Variants in GABRG2 observed in about 807,000 individuals in gnomAD.
GABRG2 encodes the protein gamma-aminobutyric acid receptor subunit gamma-2.
A neutral mutation model predicts 56.4 loss-of-function variants in GABRG2; 16 were observed. The ratio of observed to expected loss-of-function variants is 0.28; its 90% CI spans 0.19 to 0.43. The LOEUF is 0.43. Among genes scored for constraint, GABRG2 ranks in the 20% least tolerant of loss-of-function variants. The pLI is 1.00. For missense variants in GABRG2, 327 were observed against 582.7 expected, an observed-to-expected ratio of 0.56 and a Z score of 4.52; for synonymous variants, 208 against 205.5, an observed-to-expected ratio of 1.01 and a Z score of -0.10.
At chr5:162,142,371 A>C in intron 7 of GABRG2, 55 bp downstream of exon 7, 1 of 1,547,096 alleles carries the variant, frequency 6.5e-7, no homozygotes. Context: ...AAATACAAGT[A>C]ATTTTTATGT....
chr5:162,074,954 C>A (rs954842914), intron 1 of GABRG2, among the ~76,000 whole-genome samples: 9 of 151,954 alleles, frequency 5.9e-5, no homozygotes, highest in Admixed American at 5.9e-4. Context: ...ACCTGATTTC[C>A]GTAGGCAGAA....
intron 1 of GABRG2, among the ~76,000 whole-genome samples, chr5:162,089,484 T>C (rs1259887099): frequency 6.6e-6 from 1 of 152,132 alleles, no homozygotes; most frequent in Non-Finnish European, 1.5e-5. Flanking sequence ...GTCAAAGATA[T>C]CATTTTCCCG....
At chr5:162,128,405 GCATCCCTT>G (rs1398693873) in intron 6 of GABRG2, 1 of 151,956 alleles carries the variant, frequency 6.6e-6, no homozygotes, top group Non-Finnish European at 1.5e-5. Flanking sequence ...CTGTTTGCTG[GCATCCCTT>G]CCCTTGTCTG....
At position 162,153,211 on chromosome 5, in the gene GABRG2, GT is replaced by G. The variant is rs1285618109; in HGVS notation, c.1277del (p.Phe426SerfsTer77). On this transcript the variant is annotated frameshift_variant, in exon 10 of 10. Coordinates refer to ENST00000639213, the MANE Select transcript of GABRG2 (RefSeq NM_198904.4). LOFTEE classifies it high-confidence loss of function. ...TGTCTGGACGGCAAGGACTGTGCCA[GT>G]TTTTTCTGCTGTTTTGAAGATTGTC... ...YECLDGKDCASFFCCFEDCRT... is the reference protein window; with the variant it reads ...YECLDGKDCAXFFCCFEDCRT... 1 of 1,614,000 alleles carries G rather than the reference GT, an allele frequency of 6.2e-7. No individual in the cohort carries two copies. Among genetic ancestry groups the G allele is most frequent in the Non-Finnish European group, 8.5e-7 (1 of 1,180,004 alleles).
chr5:162,088,099 C>G (rs1045442682), intron 1 of GABRG2, among the ~76,000 whole-genome samples: 1 of 152,034 alleles, frequency 6.6e-6, no homozygotes, highest in Non-Finnish European at 1.5e-5. Context: ...TTTGCATGTC[C>G]TTACTGGGAG....
chr5:162,081,020 A>G (rs1210821456), intron 1 of GABRG2, among the ~76,000 whole-genome samples: 2 of 152,122 alleles, frequency 1.3e-5, no homozygotes, highest in Non-Finnish European at 2.9e-5. Context: ...CATTAATTGA[A>G]TGTTTAAAAT....
In GABRG2 at chr5:162,153,425, CT is replaced by C; in HGVS notation, c.*58del. On this transcript the variant is annotated 3_prime_UTR_variant, in exon 10 of 10. Transcript: ENST00000639213. ...TTCACTGAGTCTCATGGAGAGATGT[CT>C]GTTCTAAGTCCACTTAAATAATCCT... The C allele has an allele frequency of 6.4e-7, 1 of 1,570,070 alleles. No individual in the cohort carries two copies. The highest frequency in any genetic ancestry group is 8.8e-7 in the Non-Finnish European group (1 of 1,140,464).
intron 6 of GABRG2, among the ~76,000 whole-genome samples, chr5:162,132,103 G>A (rs1024109715): frequency 4.0e-5 from 6 of 151,624 alleles, no homozygotes; most frequent in African/African-American, 9.7e-5. Flanking sequence ...GGTTGCTATG[G>A]AGAATTTTGT....
At chr5:162,140,888 T>C (rs1225768995) in intron 6 of GABRG2, among the ~76,000 whole-genome samples, 1 of 152,230 alleles carries the variant, frequency 6.6e-6, no homozygotes, top group Non-Finnish European at 1.5e-5. Flanking sequence ...AAGAGCAACT[T>C]ATGCATCATG....
At chr5:162,109,774 C>T (rs537000482) in intron 6 of GABRG2, among the ~76,000 whole-genome samples, 2 of 152,098 alleles carry the variant, frequency 1.3e-5, no homozygotes, top group Non-Finnish European at 1.5e-5. Flanking sequence ...CATGTTGCCA[C>T]GGCCAGCTCA....
At position 162,154,350 on chromosome 5, in the gene GABRG2, AT is replaced by A. The variant is rs955225977; in HGVS notation, c.*985del. On this transcript the variant is annotated 3_prime_UTR_variant, in exon 10 of 10. Transcript: ENST00000639213. Reference sequence around the variant, plus strand: ...GTGCCTTGTGGGCAGAATCCTTGTCATTTCCTCTTTGGGTCTGTAGCACCTT... The same window carrying A: ...GTGCCTTGTGGGCAGAATCCTTGTCATTCCTCTTTGGGTCTGTAGCACCTT... The A allele has an allele frequency of 6.6e-6, 1 of 152,024 alleles. No homozygotes were observed. Among genetic ancestry groups the A allele is most frequent in the Non-Finnish European group, 1.5e-5 (1 of 67,998 alleles). The allele number at this position is 152,024 out of a possible 1,614,324, so 9.4% of individuals were successfully genotyped here.
chr5:162,069,101 C>T (rs1758465425), intron 1 of GABRG2, among the ~76,000 whole-genome samples: 1 of 152,054 alleles, frequency 6.6e-6, no homozygotes, highest in African/African-American at 2.4e-5. Context: ...CCTGAAGTGC[C>T]CGGCATTTAA....
At chr5:162,139,610 G>GTAA (rs904587610) in intron 6 of GABRG2, among the ~76,000 whole-genome samples, 5 of 152,152 alleles carry the variant, frequency 3.3e-5, no homozygotes, top group Admixed American at 2.6e-4. Context: ...TTGCATTGAG[G>GTAA]TAATTATCTT....
chr5:162,150,714 C>A (rs1323570438), intron 8 of GABRG2: 3 of 152,148 alleles, frequency 2.0e-5, no homozygotes, highest in South Asian at 4.1e-4. Flanking sequence ...AGGTTGTATT[C>A]TGATGCAGCT....
intron 6 of GABRG2, among the ~76,000 whole-genome samples, chr5:162,133,320 C>T (rs1293481682): frequency 6.6e-6 from 1 of 152,122 alleles, no homozygotes; most frequent in East Asian, 1.9e-4. Flanking sequence ...ATAGCCTTAG[C>T]AATAAGTTTG....
intron 1 of GABRG2, among the ~76,000 whole-genome samples, chr5:162,069,345 A>G (rs1758485830): frequency 6.6e-6 from 1 of 152,226 alleles, no homozygotes; most frequent in South Asian, 2.1e-4. Flanking sequence ...AGAAAGACAC[A>G]AACAAAAACT....
chr5:162,132,910 C>A (rs1763858089), intron 6 of GABRG2, among the ~76,000 whole-genome samples: 1 of 151,942 alleles, frequency 6.6e-6, no homozygotes, highest in African/African-American at 2.4e-5. Flanking sequence ...ATTTTGTTAC[C>A]TTCTGACAAA....
chr5:162,125,627 A>C (rs1345771392), intron 6 of GABRG2, among the ~76,000 whole-genome samples: 3 of 151,756 alleles, frequency 2.0e-5, no homozygotes, highest in Non-Finnish European at 4.4e-5. Flanking sequence ...GAACAGCAAG[A>C]AGTTCAGGTT....
At chr5:162,136,158 A>G (rs1031005619) in intron 6 of GABRG2, among the ~76,000 whole-genome samples, 1 of 152,168 alleles carries the variant, frequency 6.6e-6, no homozygotes, top group Admixed American at 6.5e-5. Flanking sequence ...GGATGGATCA[A>G]GCAAACTGGG....
Sources: gnomAD v4.1 joint callset for allele counts (sites outside exome capture counted in the v4.1 genomes callset) on GRCh38, gnomAD v4.1.1 for gene constraint, MANE v1.5 for transcripts, NCBI Gene and HGNC (gene_info 2026-07-23, HGNC 2026-07-21) for gene names.